The following NMNAT1 variants were observed in gnomAD, a reference collection of about 807,000 sequenced individuals.
NMNAT1 encodes the protein nicotinamide nucleotide adenylyltransferase 1.
In NMNAT1, 11 loss-of-function variants were observed where a neutral mutation model predicts 16.7. The observed-to-expected ratio is 0.66, with a 90% confidence interval of 0.41 to 1.09. The LOEUF is 1.09. NMNAT1 is among the 50% of genes least tolerant of loss of function. NMNAT1 has a pLI of 0.00. For missense variants in NMNAT1, 280 were observed against 332.3 expected (o/e 0.84, Z 1.22); for synonymous variants, 110 against 119.8 (o/e 0.92, Z 0.53).
intron 1 of NMNAT1, among the ~76,000 whole-genome samples, chr1:9,944,129 C>T (rs1490136903): frequency 6.6e-6 from 1 of 152,100 alleles, no homozygotes; most frequent in East Asian, 1.9e-4. Context: ...TGGTGGGCGC[C>T]TGTAATCTCA....
At chr1:9,987,775 C>G (rs146386369), downstream of NMNAT1, among the ~76,000 whole-genome samples, 334 of 152,146 alleles carry the variant, frequency 2.2e-3, 4 homozygotes, top group African/African-American at 7.5e-3. Context: ...GCGTAGTGAG[C>G]TGTGATTACC....
the NMNAT1 span, among the ~76,000 whole-genome samples, chr1:9,992,658 T>C: frequency 6.6e-6 from 1 of 151,716 alleles, no homozygotes; most frequent in Non-Finnish European, 1.5e-5. Context: ...ACGCCTGTAA[T>C]CCCAGCACTT....
downstream of NMNAT1, among the ~76,000 whole-genome samples, chr1:9,987,493 T>A (rs1368574676): frequency 6.6e-6 from 1 of 150,820 alleles, no homozygotes; most frequent in Non-Finnish European, 1.5e-5. Flanking sequence ...CAAAAAATTA[T>A]CCGGGCGTAG....
At chr1:9,949,057 G>A (rs1641044872) in intron 1 of NMNAT1, among the ~76,000 whole-genome samples, 1 of 151,268 alleles carries the variant, frequency 6.6e-6, no homozygotes, top group African/African-American at 2.4e-5. Context: ...ATCACCTGAC[G>A]TCAGGTGTTC....
intron 1 of NMNAT1, among the ~76,000 whole-genome samples, chr1:9,961,568 G>GT (rs1314331911): frequency 2.6e-5 from 4 of 152,158 alleles, no homozygotes; most frequent in Non-Finnish European, 5.9e-5. Context: ...GGGATAAAGG[G>GT]TATGGGTACA....
rs1553126648 is a variant in NMNAT1 at position 9,968,080 on chromosome 1, G to GTTTTTTTGTTT, written c.-56-3931_-56-3930insGTTTTTTTTTT. 8.5e-5 allele frequency among the ~76,000 whole-genome samples: 10 copies of GTTTTTTTGTTT among 117,774 alleles called. 2 individuals carry two copies. In the East Asian group the frequency reaches 1.3e-3, roughly 16 times the overall value. 77.3% of individuals were successfully genotyped at this position (117,774 alleles called of 152,430 possible). A position where few individuals can be genotyped will look rare whatever the true frequency, so the allele number is the denominator to read the frequency against. On this transcript the variant is annotated intron_variant, in intron 1 of 4. Transcript: ENST00000377205. ...TTTGCCAAATGTAGTTTTTTTTTTT[G>GTTTTTTTGTTT]TTTTTTTTTGAGATGGAGTCTCGCT...
At position 9,981,238 on chromosome 1, in the gene NMNAT1, G is replaced by C. The variant is rs570769360; in HGVS notation, c.439+68G>C. On this transcript the variant is annotated intron_variant, in intron 4 of 4. Transcript: ENST00000377205. The stretch of plus-strand genomic sequence containing the variant: ...ATTCTGTAGCTGAGCAAACCCCTGT[G>C]TATTTTTTTTTTTTTAGATGGAGTC... 170 of 1,542,556 alleles carry C rather than the reference G, an allele frequency of 1.1e-4. No individual in the cohort carries two copies. The African/African-American group carries it at 2.1e-3, about 19-fold the overall frequency.
At chr1:9,980,638 A>C in intron 3 of NMNAT1, among the ~76,000 whole-genome samples, 1 of 151,862 alleles carries the variant, frequency 6.6e-6, no homozygotes, top group Non-Finnish European at 1.5e-5. Context: ...TAAATAAATA[A>C]ATAATGTTAA....
At chr1:9,988,701 C>T (rs1642075572), downstream of NMNAT1, among the ~76,000 whole-genome samples, 2 of 58,888 alleles carry the variant, frequency 3.4e-5, no homozygotes, top group Admixed American at 5.1e-4. Flanking sequence ...GAGACTCCAT[C>T]TCAAAAAAAA....
intron 2 of NMNAT1, chr1:9,972,590 T>C (rs1023184051): frequency 1.9e-5 from 3 of 159,384 alleles, no homozygotes; most frequent in South Asian, 3.5e-4. Context: ...CCTGCTCCCT[T>C]GTACAGTGAA....
chr1:9,982,449 T>C lies in NMNAT1; in HGVS notation c.588T>C (p.Phe196=), dbSNP rs772995836. ...VTRAGNDAQK[F]IYESDVLWKH... ...GGGCTGGAAATGATGCTCAGAAGTT[T>C]ATCTATGAATCGGATGTGCTGTGGA... Residue 196 remains phenylalanine (F), a synonymous_variant, in exon 5 of 5, where the codon TTT becomes TTC. Coordinates refer to ENST00000377205, the MANE Select transcript of NMNAT1 (RefSeq NM_022787.4). 4.3e-6 allele frequency: 7 copies of C among 1,614,134 alleles called. No individual in the cohort carries two copies. Among genetic ancestry groups the C allele is most frequent in the Non-Finnish European group, 5.9e-6 (7 of 1,180,024 alleles).
chr1:9,944,713 G>A (rs1640927586), intron 1 of NMNAT1, among the ~76,000 whole-genome samples: 3 of 152,166 alleles, frequency 2.0e-5, no homozygotes, highest in South Asian at 4.1e-4. Flanking sequence ...CAGCTACCCA[G>A]GATAAACTTC....
At chr1:9,950,237 C>T (rs377660632) in intron 1 of NMNAT1, among the ~76,000 whole-genome samples, 1 of 152,042 alleles carries the variant, frequency 6.6e-6, no homozygotes, top group Non-Finnish European at 1.5e-5. Context: ...ATTACAGGCA[C>T]CTGCAACCAT....
intron 1 of NMNAT1, among the ~76,000 whole-genome samples, chr1:9,958,344 T>C (rs1570685803): frequency 6.6e-6 from 1 of 152,182 alleles, no homozygotes; most frequent in East Asian, 1.9e-4. Context: ...AATAAAATTC[T>C]ATCTAATAAT....
At chr1:9,994,130 T>G in the NMNAT1 span, among the ~76,000 whole-genome samples, 2 of 78,018 alleles carry the variant, frequency 2.6e-5, no homozygotes, top group African/African-American at 8.0e-5. Flanking sequence ...TTTTTTTTTT[T>G]GCAACAGAAT....
chr1:9,945,333 A>G (rs142833363), intron 1 of NMNAT1, among the ~76,000 whole-genome samples: 14 of 152,350 alleles, frequency 9.2e-5, no homozygotes, highest in African/African-American at 2.4e-4. Flanking sequence ...GGAAGTGTCA[A>G]TGTTTTGGGT....
the NMNAT1 span, among the ~76,000 whole-genome samples, chr1:9,990,662 C>A: frequency 6.6e-6 from 1 of 152,146 alleles, no homozygotes; most frequent in Admixed American, 6.6e-5. Context: ...CCACAAGGTC[C>A]ATGCCAGTCT....
At chr1:9,954,229 T>G (rs1445748916) in intron 1 of NMNAT1, among the ~76,000 whole-genome samples, 2 of 152,070 alleles carry the variant, frequency 1.3e-5, no homozygotes. Context: ...TGTCCTTTTT[T>G]TTTGGAGATA....
rs1028303700 is a variant in NMNAT1 at position 9,983,360 on chromosome 1, G to GA, written c.*671dup. 156 of 119,858 alleles carry GA rather than the reference G, an allele frequency of 1.3e-3. 1 individual carries two copies. The highest frequency in any genetic ancestry group is 6.9e-4 in the Admixed American group (8 of 11,588). The allele number at this position is 119,858 out of a possible 1,614,324, so 7.4% of individuals were successfully genotyped here. On this transcript the variant is annotated 3_prime_UTR_variant, in exon 5 of 5. Transcript: ENST00000377205. ...AAAAAGCAAAACTCCATCTCAAAGA[G>GA]AAAAAAAAAAAAGACCGGGTGTGGT...
Sources: gnomAD v4.1 joint callset for allele counts (sites outside exome capture counted in the v4.1 genomes callset) on GRCh38, gnomAD v4.1.1 for gene constraint, MANE v1.5 for transcripts, NCBI Gene and HGNC (gene_info 2026-07-23, HGNC 2026-07-21) for gene names.